ABCB5: variants seen among roughly 807,000 people sequenced by gnomAD.
ABCB5 encodes ATP-binding cassette sub-family B member 5.
Under a neutral mutation model 144.2 loss-of-function variants are expected in ABCB5, and 155 were observed. The observed-to-expected ratio is 1.08, with a 90% CI of 0.94 to 1.23. The LOEUF is 1.23. Among genes scored for constraint, ABCB5 ranks in the 50% most tolerant of loss-of-function variants. The pLI, the probability that ABCB5 is intolerant of heterozygous loss-of-function variation, is 0.00. For missense variants in ABCB5, 1,830 were observed against 1,520.8 expected (o/e 1.20, Z -3.38); for synonymous variants, 610 against 528.6 (o/e 1.15, Z -2.11).
chr7:20,729,273 T>G (rs1322632841), intron 23 of ABCB5, among the ~76,000 whole-genome samples: 1 of 152,164 alleles, frequency 6.6e-6, no homozygotes, highest in Non-Finnish European at 1.5e-5. Context: ...AACATGGGAA[T>G]GTGGGGGCAA....
chr7:20,651,523 G>C lies in ABCB5; in HGVS notation c.1436G>C (p.Ser479Thr), dbSNP rs747648769. 1.2e-6 allele frequency: 2 copies of C among 1,614,084 alleles called. No individual in the cohort carries two copies. Among genetic ancestry groups the C allele is most frequent in the Admixed American group, 1.7e-5 (1 of 60,004 alleles). ...QEPVLFGTTI[S>T]NNIKYGRDDV... Reference sequence around the variant, plus strand: ...CCTGTTTTGTTCGGGACCACCATCAGTAACAATATCAAGTATGGACGAGAT... The same window carrying C: ...CCTGTTTTGTTCGGGACCACCATCACTAACAATATCAAGTATGGACGAGAT... The change falls in exon 13 of 28, where the codon AGT becomes ACT. Residue 479 changes from serine to threonine, a missense_variant. Physicochemically the swap from Ser to Thr is moderately conservative, Grantham distance 58 (BLOSUM62 1). Transcript: ENST00000404938.
intron 16 of ABCB5, among the ~76,000 whole-genome samples, chr7:20,689,876 A>G (rs1786154674): frequency 6.6e-6 from 1 of 152,192 alleles, no homozygotes; most frequent in Non-Finnish European, 1.5e-5. Context: ...CAGGGGTGGT[A>G]ATATTTCAGA....
chr7:20,652,237 C>A (rs17816709), intron 13 of ABCB5, among the ~76,000 whole-genome samples: 23,935 of 152,024 alleles, frequency 0.16, 2,307 homozygotes, highest in Non-Finnish European at 0.21. Context: ...AAACTATGAT[C>A]ATTTTTTAAA....
chr7:20,652,854 C>G (rs1196835832), intron 13 of ABCB5, among the ~76,000 whole-genome samples: 1 of 152,180 alleles, frequency 6.6e-6, no homozygotes, highest in Non-Finnish European at 1.5e-5. Context: ...CAGAGGGTCA[C>G]AATAACAGAA....
intron 13 of ABCB5, among the ~76,000 whole-genome samples, chr7:20,657,543 T>C (rs1218827384): frequency 6.6e-6 from 1 of 152,214 alleles, no homozygotes; most frequent in African/African-American, 2.4e-5. Context: ...TGATTTCATT[T>C]ACATAAAGTT....
intron 14 of ABCB5, among the ~76,000 whole-genome samples, chr7:20,664,396 A>C (rs1785104798): frequency 6.6e-6 from 1 of 152,178 alleles, no homozygotes; most frequent in Non-Finnish European, 1.5e-5. Flanking sequence ...CTCTTTTATA[A>C]ATTTAGGTCA....
intron 14 of ABCB5, chr7:20,659,585 T>C (rs1000708435): frequency 9.0e-6 from 9 of 995,048 alleles, no homozygotes; most frequent in Non-Finnish European, 1.1e-5. Flanking sequence ...TGCCACATGT[T>C]GCTTGTGTGA....
At chr7:20,740,657 G>C (rs545613509) in intron 24 of ABCB5, among the ~76,000 whole-genome samples, 2 of 152,240 alleles carry the variant, frequency 1.3e-5, no homozygotes, top group South Asian at 2.1e-4. Context: ...GATTATAACA[G>C]AGGAATTGAG....
chr7:20,676,582 G>C lies in ABCB5; in HGVS notation c.1708-4923G>C, dbSNP rs1188087815. On this transcript the variant is annotated intron_variant, in intron 14 of 27. Transcript: ENST00000404938. ...GCAGACAATAGGATGGTGGCTGCTA[G>C]GGAATGAGCAGGGAGAGAAACAGGG... Among the ~76,000 whole-genome samples, 3 of 152,276 alleles carry C rather than the reference G, an allele frequency of 2.0e-5. No individual in the cohort carries two copies. In the East Asian group the frequency reaches 5.8e-4, roughly 29 times the overall value.
intron 13 of ABCB5, among the ~76,000 whole-genome samples, chr7:20,653,100 C>T (rs979757616): frequency 6.6e-6 from 1 of 152,164 alleles, no homozygotes; most frequent in Non-Finnish European, 1.5e-5. Flanking sequence ...TCAATGACTT[C>T]CTTTCCTTAA....
chr7:20,724,486 G>A (rs1029825747), intron 21 of ABCB5, among the ~76,000 whole-genome samples: 22 of 151,970 alleles, frequency 1.4e-4, no homozygotes, highest in Admixed American at 9.2e-4. Context: ...AAAGTTAGCC[G>A]GGTATGGTGG....
At chr7:20,626,303 A>T (rs530553745) in intron 2 of ABCB5, among the ~76,000 whole-genome samples, 2 of 152,348 alleles carry the variant, frequency 1.3e-5, no homozygotes, top group South Asian at 4.1e-4. Context: ...ATTCAAGAAG[A>T]TAAAGTCTAC....
At chr7:20,644,045 C>T (rs1157911676) in intron 7 of ABCB5, among the ~76,000 whole-genome samples, 1 of 151,920 alleles carries the variant, frequency 6.6e-6, no homozygotes, top group African/African-American at 2.4e-5. Context: ...AAACAATAAA[C>T]ATCTTTTTAT....
chr7:20,659,925 C>T, intron 14 of ABCB5: 1 of 966,146 alleles, frequency 1.0e-6, no homozygotes, highest in Non-Finnish European at 1.2e-6. Flanking sequence ...CTCAGGTGAT[C>T]CGCCCACCTC....
chr7:20,637,288 T>C (rs1156734068), intron 5 of ABCB5, among the ~76,000 whole-genome samples: 3 of 152,212 alleles, frequency 2.0e-5, no homozygotes, highest in African/African-American at 4.8e-5. Flanking sequence ...CCCTGTCTAA[T>C]TTCTCAGAAA....
chr7:20,658,575 G>C lies in ABCB5; in HGVS notation c.1606G>C (p.Ala536Pro). ...SGGQKQRIAI[A>P]RALVRNPKIL... ...AGGGCAGAAACAGAGGATCGCAATTGCTCGTGCCTTAGTTCGAAACCCCAA... is the reference window on the plus strand; with the variant it reads ...AGGGCAGAAACAGAGGATCGCAATTCCTCGTGCCTTAGTTCGAAACCCCAA... The change falls in exon 14 of 28, where the codon GCT (alanine) becomes CCT (proline). Residue 536 changes from alanine (A) to proline (P), a missense_variant. By Grantham distance (27) the Ala-to-Pro change is conservative. Transcript: ENST00000404938. 6.2e-7 allele frequency: 1 copy of C among 1,614,154 alleles called. No individual in the cohort carries two copies. The highest frequency in any genetic ancestry group is 8.5e-7 in the Non-Finnish European group (1 of 1,180,028).
At chr7:20,682,067 T>C (rs1785850220) in intron 15 of ABCB5, among the ~76,000 whole-genome samples, 1 of 151,956 alleles carries the variant, frequency 6.6e-6, no homozygotes, top group African/African-American at 2.4e-5. Flanking sequence ...TAGCTGGGTG[T>C]GGTGGTGTGT....
At chr7:20,672,500 C>T (rs923526476) in intron 14 of ABCB5, among the ~76,000 whole-genome samples, 1 of 152,038 alleles carries the variant, frequency 6.6e-6, no homozygotes, top group African/African-American at 2.4e-5. Flanking sequence ...AGCAAACCAC[C>T]ATGGCACACA....
intron 3 of ABCB5, among the ~76,000 whole-genome samples, chr7:20,627,767 C>T (rs1330875585): frequency 1.3e-5 from 2 of 152,104 alleles, no homozygotes; most frequent in Non-Finnish European, 2.9e-5. Context: ...TAATTCATTA[C>T]ATTTTTACTA....
Sources: allele counts gnomAD v4.1 joint callset (sites outside exome capture counted in the v4.1 genomes callset), GRCh38; gene constraint gnomAD v4.1.1; transcripts MANE v1.5; gene names NCBI Gene and HGNC (gene_info 2026-07-23, HGNC 2026-07-21).